Variants in ATG10 observed in about 807,000 individuals in gnomAD.
ATG10 encodes ubiquitin-like-conjugating enzyme ATG10.
Under a neutral mutation model 32.1 loss-of-function variants are expected in ATG10, and 30 were observed. The ratio of observed to expected loss-of-function variants is 0.94; its 90% CI spans 0.70 to 1.27. The LOEUF (loss-of-function observed/expected upper bound fraction) is 1.27. Ranked by LOEUF, ATG10 falls within the 50% of genes most tolerant of loss-of-function variation. The probability of loss-of-function intolerance (pLI) is 0.00; values close to 1 mark genes in which losing one functional copy is unlikely to be tolerated. For synonymous variants in ATG10, 87 were observed against 91.5 expected (o/e 0.95, Z 0.28); for missense variants, 233 against 262.3 (o/e 0.89, Z 0.77).
chr5:82,059,540 A>T (rs1267467759), intron 3 of ATG10, among the ~76,000 whole-genome samples: 1 of 152,116 alleles, frequency 6.6e-6, no homozygotes, highest in African/African-American at 2.4e-5. Flanking sequence ...TATGGCACTC[A>T]TTGAAATAAA....
At chr5:82,112,913 A>C (rs1765663209) in intron 3 of ATG10, among the ~76,000 whole-genome samples, 1 of 151,900 alleles carries the variant, frequency 6.6e-6, no homozygotes, top group Admixed American at 6.6e-5. Flanking sequence ...GGGATATCAG[A>C]TGTATTTATT....
At chr5:82,151,982 A>G (rs1767616754) in intron 3 of ATG10, among the ~76,000 whole-genome samples, 1 of 152,222 alleles carries the variant, frequency 6.6e-6, no homozygotes, top group East Asian at 1.9e-4. Context: ...AAAACAATGT[A>G]AAAAGACCTG....
intron 5 of ATG10, among the ~76,000 whole-genome samples, chr5:82,227,231 GA>G (rs771181823): frequency 3.6e-4 from 55 of 151,988 alleles, no homozygotes; most frequent in Middle Eastern, 3.4e-3. Flanking sequence ...GTGTACAAAA[GA>G]AAGACATCTG....
intron 3 of ATG10, among the ~76,000 whole-genome samples, chr5:82,087,153 G>A (rs1391028355): frequency 1.3e-5 from 2 of 152,146 alleles, no homozygotes; most frequent in African/African-American, 4.8e-5. Flanking sequence ...CAGGGTTTAT[G>A]CATCAAAAGT....
At chr5:82,129,420 G>A (rs1293849652) in intron 3 of ATG10, among the ~76,000 whole-genome samples, 1 of 151,968 alleles carries the variant, frequency 6.6e-6, no homozygotes, top group South Asian at 2.1e-4. Context: ...AGGAGAAGAG[G>A]CATTCTGGTT....
intron 2 of ATG10, among the ~76,000 whole-genome samples, chr5:82,028,973 ATAAT>A (rs1419769265): frequency 2.6e-5 from 4 of 152,236 alleles, no homozygotes; most frequent in African/African-American, 4.8e-5. Context: ...ATAGAAAAGA[ATAAT>A]TATTAAGACA....
intron 3 of ATG10, among the ~76,000 whole-genome samples, chr5:82,062,368 C>A (rs1419991182): frequency 6.6e-6 from 1 of 151,916 alleles, no homozygotes; most frequent in African/African-American, 2.4e-5. Context: ...CTAATTTACT[C>A]AGATTATAAC....
At chr5:82,037,710 G>C (rs1762976687) in intron 2 of ATG10, among the ~76,000 whole-genome samples, 1 of 151,962 alleles carries the variant, frequency 6.6e-6, no homozygotes, top group South Asian at 2.1e-4. Context: ...GGTTTTTTCA[G>C]AGCTTCAAAA....
chr5:82,198,593 T>A (rs1042157693), intron 5 of ATG10, among the ~76,000 whole-genome samples: 2 of 152,212 alleles, frequency 1.3e-5, no homozygotes, highest in Non-Finnish European at 2.9e-5. Context: ...TTCTGTAGTT[T>A]TAGCCTTAAC....
chr5:82,165,687 C>A (rs1047769631), intron 4 of ATG10, among the ~76,000 whole-genome samples: 1 of 152,146 alleles, frequency 6.6e-6, no homozygotes, highest in Non-Finnish European at 1.5e-5. Context: ...TTATTACAAG[C>A]CTTTAAAACA....
rs147209441 is a variant in ATG10, at chr5:82,012,515, C to T, written c.108+24837C>T. ...ATCACTTAACTTCACATAGGCAACC[C>T]TGACCTCCCAAGTTTGGCTTAGATC... is the stretch of plus-strand genomic sequence containing the variant. On this transcript the variant is annotated intron_variant, in intron 2 of 7. Transcript: ENST00000282185. 2.1e-3 allele frequency among the ~76,000 whole-genome samples: 313 copies of T among 152,286 alleles called. 3 individuals are homozygous for T. Among genetic ancestry groups the T allele is most frequent in the African/African-American group, 6.7e-3 (278 of 41,562 alleles).
chr5:82,081,369 G>T (rs537047797), intron 3 of ATG10, among the ~76,000 whole-genome samples: 103 of 152,220 alleles, frequency 6.8e-4, no homozygotes, highest in Middle Eastern at 6.8e-3. Flanking sequence ...TTGCCTGATT[G>T]CCCTGGCCAG....
intron 3 of ATG10, among the ~76,000 whole-genome samples, chr5:82,152,531 C>T (rs1039748128): frequency 5.9e-5 from 9 of 152,138 alleles, no homozygotes; most frequent in African/African-American, 2.2e-4. Context: ...CAACCACTGG[C>T]GCAGAAATCT....
chr5:82,069,014 A>G (rs1380139793), intron 3 of ATG10, among the ~76,000 whole-genome samples: 1 of 151,736 alleles, frequency 6.6e-6, no homozygotes, highest in African/African-American at 2.4e-5. Context: ...CTCACAAAAG[A>G]TTAAGTAGAA....
intron 4 of ATG10, among the ~76,000 whole-genome samples, chr5:82,169,979 C>A (rs1251509692): frequency 6.6e-6 from 1 of 152,106 alleles, no homozygotes; most frequent in Non-Finnish European, 1.5e-5. Flanking sequence ...ATTGAAAAAT[C>A]AAGCCCTGTT....
intron 3 of ATG10, among the ~76,000 whole-genome samples, chr5:82,076,845 T>C (rs1321267947): frequency 6.6e-6 from 1 of 152,184 alleles, no homozygotes; most frequent in Admixed American, 6.5e-5. Context: ...AATATTGAGA[T>C]ACAGGTACAT....
At chr5:82,029,235 A>G (rs901478311) in intron 2 of ATG10, among the ~76,000 whole-genome samples, 7 of 152,218 alleles carry the variant, frequency 4.6e-5, no homozygotes, top group African/African-American at 1.7e-4. Context: ...AAAAGTGATA[A>G]ATATTCTCTA....
At chr5:82,103,310 C>A (rs1401284729) in intron 3 of ATG10, among the ~76,000 whole-genome samples, 1 of 152,084 alleles carries the variant, frequency 6.6e-6, no homozygotes, top group East Asian at 1.9e-4. Flanking sequence ...ACACATTGAT[C>A]AAAAATTGTT....
chr5:82,179,541 A>AT (rs1463056663), intron 5 of ATG10, among the ~76,000 whole-genome samples: 1 of 152,156 alleles, frequency 6.6e-6, no homozygotes, highest in East Asian at 1.9e-4. Flanking sequence ...AAAAGTAGAT[A>AT]TAAAAAGTAG....
Sources: allele counts gnomAD v4.1 joint callset (sites outside exome capture counted in the v4.1 genomes callset), GRCh38; gene constraint gnomAD v4.1.1; transcripts MANE v1.5; gene names NCBI Gene and HGNC (gene_info 2026-07-23, HGNC 2026-07-21).